CCDC85A: variants seen among roughly 807,000 people sequenced by gnomAD.
CCDC85A encodes coiled-coil domain-containing protein 85A.
CCDC85A carries 38 observed loss-of-function variants against 50.2 expected under a neutral mutation model. That is an observed-to-expected ratio of 0.76 (90% CI 0.58 to 0.99). The LOEUF is 0.99. Among genes scored for constraint, CCDC85A ranks in the 50% least tolerant of loss-of-function variants. The probability of loss-of-function intolerance (pLI) is 0.00; values close to 1 mark genes in which losing one functional copy is unlikely to be tolerated. For synonymous variants in CCDC85A, 366 were observed against 301.4 expected (o/e 1.21, Z -2.22); for missense variants, 820 against 742.0 (o/e 1.11, Z -1.22).
chr2:56,315,527 C>G (rs1672882613), intron 2 of CCDC85A, among the ~76,000 whole-genome samples: 1 of 152,092 alleles, frequency 6.6e-6, no homozygotes, highest in African/African-American at 2.4e-5. Flanking sequence ...CAAATGCCCT[C>G]AAGTAATGCA....
chr2:56,332,686 T>TC (rs1239707842), intron 2 of CCDC85A, among the ~76,000 whole-genome samples: 5 of 124,870 alleles, frequency 4.0e-5, no homozygotes, highest in African/African-American at 8.9e-5. Context: ...CCCCCCCTTT[T>TC]CCCCCCTCTC....
intron 2 of CCDC85A, among the ~76,000 whole-genome samples, chr2:56,329,732 T>C (rs909536239): frequency 6.6e-6 from 1 of 152,122 alleles, no homozygotes; most frequent in Non-Finnish European, 1.5e-5. Flanking sequence ...TATTTATGAA[T>C]TCCCAATTGA....
At chr2:56,249,246 C>T (rs1310635009) in intron 2 of CCDC85A, among the ~76,000 whole-genome samples, 4 of 152,250 alleles carry the variant, frequency 2.6e-5, no homozygotes, top group African/African-American at 9.6e-5. Context: ...GACATGAGCT[C>T]TGCCTTAGGC....
rs545460774 is a variant in CCDC85A, at chr2:56,310,817, G to A, written c.1241-32062G>A. ...CTGCACGTGCTTTTCAGAAAGTGAG[G>A]ATTAGTTCCATCTATTTTCCACTTC... On this transcript the variant is annotated intron_variant, in intron 2 of 5. Coordinates refer to ENST00000407595, the MANE Select transcript of CCDC85A (RefSeq NM_001080433.2). Among the ~76,000 whole-genome samples the A allele has an allele frequency of 2.2e-4, 34 of 152,276 alleles. No individual in the cohort carries two copies. In the East Asian group the frequency reaches 5.8e-3, roughly 26 times the overall value.
chr2:56,350,718 G>C, intron 3 of CCDC85A, among the ~76,000 whole-genome samples: 1 of 149,168 alleles, frequency 6.7e-6, no homozygotes, highest in Admixed American at 6.7e-5. Flanking sequence ...TTTAAACTAA[G>C]CTGTCCTCCT....
At chr2:56,294,828 G>A (rs1671876899) in intron 2 of CCDC85A, among the ~76,000 whole-genome samples, 1 of 152,132 alleles carries the variant, frequency 6.6e-6, no homozygotes, top group Non-Finnish European at 1.5e-5. Context: ...CTTTGAAGAG[G>A]GCTTTGGGTG....
intron 2 of CCDC85A, among the ~76,000 whole-genome samples, chr2:56,326,421 G>C (rs868800925): frequency 3.3e-5 from 5 of 152,108 alleles, no homozygotes; most frequent in Non-Finnish European, 5.9e-5. Flanking sequence ...TGACTAGTCT[G>C]TTGTTGCCTA....
intron 2 of CCDC85A, among the ~76,000 whole-genome samples, chr2:56,219,501 G>T (rs575485882): frequency 6.6e-6 from 1 of 151,772 alleles, no homozygotes; most frequent in South Asian, 2.1e-4. Flanking sequence ...ATGACAAACT[G>T]CTTGTAAAGT....
At chr2:56,248,965 A>G (rs941787078) in intron 2 of CCDC85A, among the ~76,000 whole-genome samples, 2 of 152,260 alleles carry the variant, frequency 1.3e-5, no homozygotes, top group African/African-American at 4.8e-5. Context: ...TGTATTGGCA[A>G]GAACAGATGG....
chr2:56,373,920 A>G (rs141200045), intron 4 of CCDC85A, among the ~76,000 whole-genome samples: 10 of 152,348 alleles, frequency 6.6e-5, no homozygotes, highest in Admixed American at 1.3e-4. Flanking sequence ...CAAAGGATCC[A>G]AAGTATAGAG....
At chr2:56,205,848 A>G (rs1017865097) in intron 2 of CCDC85A, among the ~76,000 whole-genome samples, 1 of 152,216 alleles carries the variant, frequency 6.6e-6, no homozygotes, top group Admixed American at 6.5e-5. Flanking sequence ...GTAAGTAACA[A>G]TAAAGATGTA....
chr2:56,271,141 G>A (rs533777579), intron 2 of CCDC85A, among the ~76,000 whole-genome samples: 5 of 152,194 alleles, frequency 3.3e-5, no homozygotes, highest in Non-Finnish European at 5.9e-5. Flanking sequence ...AGTACACTAT[G>A]TCACTTCTCC....
chr2:56,254,280 C>T (rs1669889145), intron 2 of CCDC85A, among the ~76,000 whole-genome samples: 1 of 151,824 alleles, frequency 6.6e-6, no homozygotes, highest in Non-Finnish European at 1.5e-5. Context: ...CGGAGGGTTC[C>T]CAGCAGTTTC....
chr2:56,287,326 C>T (rs1224573084), intron 2 of CCDC85A, among the ~76,000 whole-genome samples: 2 of 152,192 alleles, frequency 1.3e-5, no homozygotes, highest in Non-Finnish European at 2.9e-5. Flanking sequence ...ATTTGCATCT[C>T]CTCAGTTCAG....
chr2:56,237,952 TAGAC>T (rs771003509), intron 2 of CCDC85A, among the ~76,000 whole-genome samples: 2 of 152,160 alleles, frequency 1.3e-5, no homozygotes, highest in Non-Finnish European at 2.9e-5. Flanking sequence ...CTTTGAAAGG[TAGAC>T]AGTATCTTCA....
At chr2:56,242,579 A>G (rs1048101099) in intron 2 of CCDC85A, among the ~76,000 whole-genome samples, 3 of 152,170 alleles carry the variant, frequency 2.0e-5, no homozygotes, top group Non-Finnish European at 4.4e-5. Flanking sequence ...GATCTGCCCC[A>G]TGAGCCAAAC....
chr2:56,268,461 G>A (rs564140586), intron 2 of CCDC85A, among the ~76,000 whole-genome samples: 1 of 152,086 alleles, frequency 6.6e-6, no homozygotes, highest in South Asian at 2.1e-4. Context: ...CAAGAGTGGT[G>A]GCGGACGCCT....
chr2:56,290,352 A>G (rs1384765276), intron 2 of CCDC85A, among the ~76,000 whole-genome samples: 2 of 152,058 alleles, frequency 1.3e-5, no homozygotes, highest in East Asian at 1.9e-4. Flanking sequence ...GAGGGGCCCT[A>G]TGAATATCTG....
At chr2:56,225,355 G>A (rs568443189) in intron 2 of CCDC85A, among the ~76,000 whole-genome samples, 2 of 152,184 alleles carry the variant, frequency 1.3e-5, no homozygotes, top group African/African-American at 4.8e-5. Flanking sequence ...GAACACAGGA[G>A]GTGGAGCTTG....
Sources: gnomAD v4.1 joint callset for allele counts (sites outside exome capture counted in the v4.1 genomes callset) on GRCh38, gnomAD v4.1.1 for gene constraint, MANE v1.5 for transcripts, NCBI Gene and HGNC (gene_info 2026-07-23, HGNC 2026-07-21) for gene names.